Variants in PTPRN2 observed in about 807,000 individuals in gnomAD.
PTPRN2 encodes protein tyrosine phosphatase receptor type N2, also known as receptor-type tyrosine-protein phosphatase N2.
PTPRN2 carries 74 observed loss-of-function variants against 118.8 expected under a neutral mutation model. The ratio of observed to expected loss-of-function variants is 0.62; its 90% CI spans 0.52 to 0.76. The LOEUF (loss-of-function observed/expected upper bound fraction) is 0.76. Ranked by LOEUF, PTPRN2 falls within the 30% of genes least tolerant of loss-of-function variation. The pLI is 0.00. For missense variants in PTPRN2, 1,481 were observed against 1,394.4 expected (o/e 1.06, Z -0.99); for synonymous variants, 641 against 608.0 (o/e 1.05, Z -0.80).
chr7:158,586,452 C>T (rs1487051763), intron 1 of PTPRN2, among the ~76,000 whole-genome samples: 1 of 152,090 alleles, frequency 6.6e-6, no homozygotes, highest in African/African-American at 2.4e-5. Context: ...GCGAAGGACC[C>T]CCCTCCATCC....
At position 157,973,841 on chromosome 7, in the gene PTPRN2, C is replaced by T. The variant is rs1317379909; in HGVS notation, c.1724-75104G>A. On this transcript the variant is annotated intron_variant, in intron 11 of 22. Coordinates refer to ENST00000389418, the MANE Select transcript of PTPRN2 (RefSeq NM_002847.5). Reference sequence around the variant, plus strand: ...ACGCGGCATGGAAAGCAGTCTCTAGCGCTGTCTTTCTTCCGTTAGGGTGGA... The same window carrying T: ...ACGCGGCATGGAAAGCAGTCTCTAGTGCTGTCTTTCTTCCGTTAGGGTGGA... Among the ~76,000 whole-genome samples the T allele has an allele frequency of 2.6e-5, 4 of 152,308 alleles. No homozygotes were observed. In the East Asian group the frequency reaches 5.8e-4, roughly 22 times the overall value.
chr7:157,771,879 A>C (rs964078476), intron 12 of PTPRN2, among the ~76,000 whole-genome samples: 1 of 150,432 alleles, frequency 6.6e-6, no homozygotes, highest in African/African-American at 2.5e-5. Context: ...GGCACACATG[A>C]ACACACACAG....
At chr7:158,249,814 C>A (rs1796546342) in intron 3 of PTPRN2, among the ~76,000 whole-genome samples, 1 of 152,236 alleles carries the variant, frequency 6.6e-6, no homozygotes, top group Non-Finnish European at 1.5e-5. Flanking sequence ...GACAGACATG[C>A]ACTGAATGCA....
intron 1 of PTPRN2, among the ~76,000 whole-genome samples, chr7:158,583,504 T>C (rs1376549763): frequency 6.6e-6 from 1 of 151,778 alleles, no homozygotes; most frequent in East Asian, 1.9e-4. Flanking sequence ...CCACTGACCT[T>C]GATCACCAGG....
intron 1 of PTPRN2, among the ~76,000 whole-genome samples, chr7:158,553,249 C>A (rs1346616320): frequency 6.7e-6 from 1 of 150,338 alleles, no homozygotes; most frequent in Non-Finnish European, 1.5e-5. Flanking sequence ...ATTCCCCATG[C>A]ATATACACAG....
chr7:158,307,017 C>T (rs1447604077), intron 3 of PTPRN2, among the ~76,000 whole-genome samples: 1 of 152,044 alleles, frequency 6.6e-6, no homozygotes, highest in Non-Finnish European at 1.5e-5. Context: ...CAGGCATGCA[C>T]CACCATGCCC....
At chr7:157,880,789 T>G (rs1384833055) in intron 12 of PTPRN2, among the ~76,000 whole-genome samples, 1 of 152,246 alleles carries the variant, frequency 6.6e-6, no homozygotes, top group Admixed American at 6.5e-5. Context: ...ATTAATTCAC[T>G]CTCCCTGATT....
rs78035786 is a variant in PTPRN2 at position 158,022,325 on chromosome 7, C to T, written c.1723+58973G>A. ...CCATCCTTCCTGACGGCCTCCACCA[C>T]GAGACTTCAGGTCATCCTTTAATGA... On this transcript the variant is annotated intron_variant, in intron 11 of 22. Coordinates refer to ENST00000389418, the MANE Select transcript of PTPRN2 (RefSeq NM_002847.5). This position sits in a 1 kb window ranked among gnomAD's most constrained non-coding sequence, Gnocchi z 4.6. Among the ~76,000 whole-genome samples the T allele has an allele frequency of 9.8e-5, 15 of 152,326 alleles. No individual in the cohort carries two copies. Among genetic ancestry groups the T allele is most frequent in the South Asian group, 2.1e-4 (1 of 4,822 alleles).
intron 6 of PTPRN2, among the ~76,000 whole-genome samples, chr7:158,146,708 G>C (rs752916211): frequency 1.4e-5 from 2 of 142,170 alleles, no homozygotes; most frequent in Admixed American, 7.1e-5. Flanking sequence ...GCGACAGAGC[G>C]AGACTCTGCC....
rs1806421899 is a variant in PTPRN2, at chr7:158,015,950, C to G, written c.1723+65348G>C. Among the ~76,000 whole-genome samples the G allele has an allele frequency of 6.6e-6, 1 of 152,142 alleles. No homozygotes were observed. The highest frequency in any genetic ancestry group is 1.5e-5 in the Non-Finnish European group (1 of 68,022). On this transcript the variant is annotated intron_variant, in intron 11 of 22. Transcript: ENST00000389418. This position sits in a 1 kb window ranked among gnomAD's most constrained non-coding sequence, Gnocchi z 4.2. ...GTTTCATGTCTTTCCTCACACGTGG[C>G]AGGGACGGCTGTGGGGTCCCAGTGT...
rs528913085 is a variant in PTPRN2, at chr7:158,507,827, G to A, written c.113-18042C>T. Among the ~76,000 whole-genome samples the A allele has an allele frequency of 4.7e-5, 7 of 149,338 alleles. 1 individual carries two copies. The South Asian group carries it at 1.3e-3, about 27-fold the overall frequency. On this transcript the variant is annotated intron_variant, in intron 1 of 22. Transcript: ENST00000389418. ...TGCAACAGGCAGTGGACAGGAGACCGCATGCACGGAGGTCAGTGAGGACTG... is the reference window on the plus strand; with the variant it reads ...TGCAACAGGCAGTGGACAGGAGACCACATGCACGGAGGTCAGTGAGGACTG...
chr7:158,080,502 T>C (rs2128930368), intron 11 of PTPRN2, among the ~76,000 whole-genome samples: 1 of 151,850 alleles, frequency 6.6e-6, no homozygotes, highest in East Asian at 1.9e-4. Context: ...CAGGCTAAGG[T>C]TCTGTTATGC....
chr7:158,357,150 G>A (rs75631216), intron 2 of PTPRN2, among the ~76,000 whole-genome samples: 1 of 152,380 alleles, frequency 6.6e-6, no homozygotes, highest in East Asian at 1.9e-4. Flanking sequence ...GGAACCGGAC[G>A]AATGATGTGA....
At chr7:158,441,027 G>A (rs996909840) in intron 2 of PTPRN2, among the ~76,000 whole-genome samples, 2 of 149,540 alleles carry the variant, frequency 1.3e-5, no homozygotes, top group African/African-American at 2.5e-5. Context: ...CGTGGTGGTG[G>A]TGACAGTGGT....
At chr7:158,238,531 C>T (rs1044693098) in intron 3 of PTPRN2, among the ~76,000 whole-genome samples, 1 of 152,208 alleles carries the variant, frequency 6.6e-6, no homozygotes, top group African/African-American at 2.4e-5. Context: ...TCACCCAAAA[C>T]ATCATGTTTG....
chr7:157,594,130 G>A (rs1801151082), intron 17 of PTPRN2, among the ~76,000 whole-genome samples: 1 of 152,192 alleles, frequency 6.6e-6, no homozygotes, highest in African/African-American at 2.4e-5. Context: ...AAGGGTGCTC[G>A]GAGGCCCTCG....
At chr7:157,563,468 C>G (rs868267702) in intron 21 of PTPRN2, among the ~76,000 whole-genome samples, 3 of 107,054 alleles carry the variant, frequency 2.8e-5, no homozygotes, top group Admixed American at 9.2e-5. Context: ...GGACCACGTG[C>G]TCCCACGTCA....
intron 2 of PTPRN2, among the ~76,000 whole-genome samples, chr7:158,397,311 C>T (rs1812589611): frequency 6.6e-6 from 1 of 152,360 alleles, no homozygotes; most frequent in East Asian, 1.9e-4. Flanking sequence ...CTGCGCCCAT[C>T]CAGGATGCTG....
rs145440056 is a variant in PTPRN2, at chr7:157,671,074, G to A, written c.2001+11651C>T. ...GACTCTGGACCTGAGAATTGCACAG[G>A]ATGGTTTCCAAGAGGGTTTACATGC... is the stretch of plus-strand genomic sequence containing the variant. On this transcript the variant is annotated intron_variant, in intron 13 of 22. Coordinates refer to ENST00000389418, the MANE Select transcript of PTPRN2 (RefSeq NM_002847.5). The surrounding 1 kb of genome is among the most constrained non-coding windows in gnomAD (Gnocchi z 4.1). 5.2e-4 allele frequency among the ~76,000 whole-genome samples: 79 copies of A among 152,320 alleles called. No homozygotes were observed. The East Asian group carries it at 0.012, about 23-fold the overall frequency.
Sources: gnomAD v4.1 joint callset for allele counts (sites outside exome capture counted in the v4.1 genomes callset) on GRCh38, gnomAD v4.1.1 for gene constraint, Gnocchi (gnomAD v3.1) non-coding constraint, MANE v1.5 for transcripts, NCBI Gene and HGNC (gene_info 2026-07-23, HGNC 2026-07-21) for gene names.